The following TAOK1 variants were observed in gnomAD, a reference collection of about 807,000 sequenced individuals.
TAOK1 encodes the protein TAO kinase 1.
In TAOK1, 21 loss-of-function variants were observed where a neutral mutation model predicts 138.3. That is an observed-to-expected ratio of 0.15 (90% CI 0.11 to 0.22). The LOEUF (loss-of-function observed/expected upper bound fraction) is 0.22. Ranked by LOEUF, TAOK1 falls within the 10% of genes least tolerant of loss-of-function variation. TAOK1 has a pLI of 1.00. For synonymous variants in TAOK1, 361 were observed against 398.4 expected, an observed-to-expected ratio of 0.91 and a Z score of 1.12; for missense variants, 651 against 1,227.7, an observed-to-expected ratio of 0.53 and a Z score of 7.02.
At chr17:29,395,008 G>A (rs1904551344) in intron 1 of TAOK1, among the ~76,000 whole-genome samples, 1 of 152,098 alleles carries the variant, frequency 6.6e-6, no homozygotes, top group Non-Finnish European at 1.5e-5. Flanking sequence ...GCTGGGGGCT[G>A]AGGCTGGAGG....
At position 29,465,837 on chromosome 17, in the gene TAOK1, C is replaced by CTTTT. The variant is rs3058623; in HGVS notation, c.133-1284_133-1281dup. 2.7e-3 allele frequency among the ~76,000 whole-genome samples: 124 copies of CTTTT among 45,382 alleles called. 21 individuals carry two copies. Among genetic ancestry groups the CTTTT allele is most frequent in the East Asian group, 0.012 (11 of 942 alleles). The allele number at this position is 45,382 out of a possible 152,430, so 29.8% of individuals were successfully genotyped here. On this transcript the variant is annotated intron_variant, in intron 2 of 19. Transcript: ENST00000261716. ...AAGAGTTAACTGTCAAGTTTCTGTG[C>CTTTT]TTTTTTTTTTTTTTTTTTTTTTTTT...
intron 3 of TAOK1, among the ~76,000 whole-genome samples, chr17:29,474,976 G>C (rs2030911318): frequency 6.6e-6 from 1 of 152,032 alleles, no homozygotes; most frequent in Non-Finnish European, 1.5e-5. Context: ...GTTTCGCTCT[G>C]TCACCAGGCT....
chr17:29,398,792 A>G (rs1298379143), intron 1 of TAOK1, among the ~76,000 whole-genome samples: 2 of 152,116 alleles, frequency 1.3e-5, no homozygotes. Flanking sequence ...TTGGCCTCCC[A>G]AAGTGCTGGG....
intron 1 of TAOK1, among the ~76,000 whole-genome samples, chr17:29,441,299 A>G (rs1309565532): frequency 6.6e-6 from 1 of 152,184 alleles, no homozygotes; most frequent in Non-Finnish European, 1.5e-5. Context: ...ACTTGAGCCC[A>G]TGAGTTCGAG....
chr17:29,484,762 G>A (rs2031134619), intron 8 of TAOK1, among the ~76,000 whole-genome samples: 2 of 151,966 alleles, frequency 1.3e-5, no homozygotes, highest in Non-Finnish European at 2.9e-5. Flanking sequence ...CTGCCACCAC[G>A]CCCAGCTAAT....
At chr17:29,451,035 T>C (rs762180128) in intron 1 of TAOK1, among the ~76,000 whole-genome samples, 3 of 152,298 alleles carry the variant, frequency 2.0e-5, no homozygotes, top group Non-Finnish European at 4.4e-5. Context: ...TCTGTTAGAG[T>C]TGATTAGTAC....
At chr17:29,505,114 T>C (rs575477472) in intron 13 of TAOK1, among the ~76,000 whole-genome samples, 10 of 152,218 alleles carry the variant, frequency 6.6e-5, no homozygotes, top group Non-Finnish European at 1.2e-4. Context: ...AGTAGTTTCA[T>C]TTACTTCACT....
chr17:29,469,206 G>T (rs1475036483), intron 3 of TAOK1, among the ~76,000 whole-genome samples: 1 of 151,338 alleles, frequency 6.6e-6, no homozygotes, highest in African/African-American at 2.4e-5. Context: ...AACATAGTGA[G>T]ATCCCCCCTC....
chr17:29,480,816 G>A (rs2031045063), intron 7 of TAOK1, among the ~76,000 whole-genome samples: 1 of 144,900 alleles, frequency 6.9e-6, no homozygotes, highest in Non-Finnish European at 1.5e-5. Flanking sequence ...GTTGGAGTGA[G>A]CCGAGATTGT....
intron 1 of TAOK1, among the ~76,000 whole-genome samples, chr17:29,401,278 T>A (rs1384054704): frequency 6.6e-6 from 1 of 152,108 alleles, no homozygotes; most frequent in Non-Finnish European, 1.5e-5. Flanking sequence ...TACCTGAGAC[T>A]GGGTAATTTA....
rs770263137 is a variant in TAOK1 at position 29,526,819 on chromosome 17, T to TTAAAAAAAAAAAA, written c.2149-3588_2149-3587insTAAAAAAAAAAAA. On this transcript the variant is annotated intron_variant, in intron 17 of 19. Transcript: ENST00000261716. Reference sequence around the variant, plus strand: ...GGCAGCATAGGGAGATCTCATCTCTTAAAAAAAAAAAAAAAAAAAAAAAAA... The same window carrying TTAAAAAAAAAAAA: ...GGCAGCATAGGGAGATCTCATCTCTTTAAAAAAAAAAAAAAAAAAAAAAAAAAAAAAAAAAAAA... Among the ~76,000 whole-genome samples the TTAAAAAAAAAAAA allele has an allele frequency of 7.9e-5, 4 of 50,946 alleles. 1 individual carries two copies. The highest frequency in any genetic ancestry group is 8.7e-5 in the African/African-American group (1 of 11,492). The allele number at this position is 50,946 out of a possible 152,430, so 33.4% of individuals were successfully genotyped here.
chr17:29,484,866 A>G (rs2031137030), intron 8 of TAOK1, among the ~76,000 whole-genome samples: 1 of 152,128 alleles, frequency 6.6e-6, no homozygotes, highest in South Asian at 2.1e-4. Context: ...CAGCCTCCCA[A>G]AGTGCTGGGT....
chr17:29,465,178 T>C (rs999205993), intron 2 of TAOK1, among the ~76,000 whole-genome samples: 3 of 143,504 alleles, frequency 2.1e-5, no homozygotes, highest in Non-Finnish European at 4.5e-5. Context: ...CTCACTCTGT[T>C]GCCCAGGCTG....
At chr17:29,447,955 C>CTTTTTTTTT in intron 1 of TAOK1, among the ~76,000 whole-genome samples, 2 of 93,246 alleles carry the variant, frequency 2.1e-5, no homozygotes, top group Non-Finnish European at 4.1e-5. Flanking sequence ...TGCACCTGGT[C>CTTTTTTTTT]TTTTTTTTTT....
chr17:29,456,477 G>A (rs2030380042), intron 2 of TAOK1, among the ~76,000 whole-genome samples: 3 of 150,274 alleles, frequency 2.0e-5, no homozygotes, highest in African/African-American at 5.0e-5. Context: ...TGAGATTTTC[G>A]ATTTTCTTGA....
At chr17:29,442,240 C>T (rs926895401) in intron 1 of TAOK1, among the ~76,000 whole-genome samples, 1 of 151,846 alleles carries the variant, frequency 6.6e-6, no homozygotes, top group Non-Finnish European at 1.5e-5. Flanking sequence ...GAGATGGGGT[C>T]TCCCTAGTTT....
intron 1 of TAOK1, among the ~76,000 whole-genome samples, chr17:29,413,292 A>G (rs1413943558): frequency 1.3e-5 from 2 of 152,210 alleles, no homozygotes; most frequent in Non-Finnish European, 2.9e-5. Flanking sequence ...TGAAATGCAC[A>G]TAACATAAAA....
At chr17:29,435,509 T>G (rs1905998318) in intron 1 of TAOK1, among the ~76,000 whole-genome samples, 1 of 152,178 alleles carries the variant, frequency 6.6e-6, no homozygotes, top group South Asian at 2.1e-4. Flanking sequence ...AGATAAGACC[T>G]TGAAACACCT....
At chr17:29,434,748 A>G (rs1251683478) in intron 1 of TAOK1, among the ~76,000 whole-genome samples, 32 of 152,178 alleles carry the variant, frequency 2.1e-4, no homozygotes, top group Non-Finnish European at 1.5e-5. Context: ...AATCAGCAGG[A>G]GTCAGCCACG....
Sources: allele counts gnomAD v4.1 joint callset (sites outside exome capture counted in the v4.1 genomes callset), GRCh38; gene constraint gnomAD v4.1.1; transcripts MANE v1.5; gene names NCBI Gene and HGNC (gene_info 2026-07-23, HGNC 2026-07-21).